The following ANK2 variants were observed in gnomAD, a reference collection of about 807,000 sequenced individuals.
ANK2 encodes the protein ankyrin-2.
Under a neutral mutation model 360.5 loss-of-function variants are expected in ANK2, and 83 were observed. That is an observed-to-expected ratio of 0.23 (90% CI 0.19 to 0.28). The LOEUF (loss-of-function observed/expected upper bound fraction) is 0.28, where lower values mean the gene tolerates loss of function less well. ANK2 is among the 10% of genes least tolerant of loss of function. The probability of loss-of-function intolerance (pLI) is 1.00; values close to 1 mark genes in which losing one functional copy is unlikely to be tolerated. For missense variants in ANK2, 4,201 were observed against 4,795.7 expected, an observed-to-expected ratio of 0.88 and a Z score of 3.66; for synonymous variants, 1,740 against 1,759.5, an observed-to-expected ratio of 0.99 and a Z score of 0.28.
intron 1 of ANK2, among the ~76,000 whole-genome samples, chr4:112,822,550 A>T (rs2057422542): frequency 6.6e-6 from 1 of 152,132 alleles, no homozygotes; most frequent in African/African-American, 2.4e-5. Flanking sequence ...GTTCGAGACC[A>T]GCTTGACCAA....
intron 1 of ANK2, among the ~76,000 whole-genome samples, chr4:113,173,806 A>C (rs2098087232): frequency 6.6e-6 from 1 of 152,160 alleles, no homozygotes; most frequent in Admixed American, 6.5e-5. Flanking sequence ...ATCCAGAATC[A>C]CTGGGATCAC....
intron 5 of ANK2, among the ~76,000 whole-genome samples, chr4:113,234,003 C>A (rs1049266197): frequency 2.0e-5 from 3 of 152,148 alleles, no homozygotes; most frequent in African/African-American, 7.2e-5. Flanking sequence ...AGAAATATAT[C>A]AAAATAAGGA....
At position 113,094,785 on chromosome 4, in the gene ANK2, C is replaced by T. The variant is rs1581389978; in HGVS notation, c.84+44973C>T. Among the ~76,000 whole-genome samples the T allele has an allele frequency of 3.3e-5, 5 of 152,244 alleles. No individual in the cohort carries two copies. The South Asian group carries it at 1.0e-3, about 32-fold the overall frequency. On this transcript the variant is annotated intron_variant, in intron 1 of 45. Coordinates refer to ENST00000357077, the MANE Select transcript of ANK2 (RefSeq NM_001148.6). ...GGAATGTCAGAACCAGATTTCATCA[C>T]CAGTAAAAATTTTACTTTATGTTGC... is the stretch of plus-strand genomic sequence containing the variant.
the ANK2 span, among the ~76,000 whole-genome samples, chr4:112,721,009 A>G: frequency 3.3e-5 from 5 of 152,116 alleles, no homozygotes; most frequent in Admixed American, 2.0e-4. Context: ...ACCAGCATCT[A>G]TTGGCTTCTT....
chr4:112,923,753 T>C (rs1243012517), intron 2 of ANK2, among the ~76,000 whole-genome samples: 1 of 152,166 alleles, frequency 6.6e-6, no homozygotes, highest in African/African-American at 2.4e-5. Context: ...ACTTTTACTA[T>C]GTTGTTAAGT....
the ANK2 span, among the ~76,000 whole-genome samples, chr4:112,758,030 A>C: frequency 6.6e-6 from 1 of 151,894 alleles, no homozygotes; most frequent in Non-Finnish European, 1.5e-5. Flanking sequence ...CAGCCTTCCC[A>C]GTAGATGGGA....
In ANK2 at chr4:113,112,455, T is replaced by C. The variant is rs574447953; in HGVS notation, c.85-61961T>C. Among the ~76,000 whole-genome samples, 260 of 152,280 alleles carry C rather than the reference T, an allele frequency of 1.7e-3. 3 individuals are homozygous for C. The highest frequency in any genetic ancestry group is 6.1e-3 in the African/African-American group (252 of 41,544). On this transcript the variant is annotated intron_variant, in intron 1 of 45. Transcript: ENST00000357077. ...ACAGAATGTGTATGGAAATGTCTTT[T>C]GCTTCTGAACTGTGGCTTTTTCAGT...
intron 1 of ANK2, among the ~76,000 whole-genome samples, chr4:112,819,380 C>T (rs941648330): frequency 3.9e-5 from 6 of 152,138 alleles, no homozygotes; most frequent in African/African-American, 1.2e-4. Flanking sequence ...GGAAGAGAAC[C>T]TAGTCTTTTC....
chr4:113,134,875 G>T (rs867532828), intron 1 of ANK2, among the ~76,000 whole-genome samples: 2 of 152,120 alleles, frequency 1.3e-5, no homozygotes, highest in African/African-American at 2.4e-5. Flanking sequence ...TATGAAGTCA[G>T]ATCAATTTTA....
intron 2 of ANK2, among the ~76,000 whole-genome samples, chr4:112,956,521 A>T (rs2095337300): frequency 6.6e-6 from 1 of 152,226 alleles, no homozygotes; most frequent in African/African-American, 2.4e-5. Context: ...AGTCGATCTG[A>T]TAATGGAGAA....
At chr4:113,239,610 A>T (rs1032185751) in intron 7 of ANK2, among the ~76,000 whole-genome samples, 1 of 152,160 alleles carries the variant, frequency 6.6e-6, no homozygotes, top group Admixed American at 6.5e-5. Flanking sequence ...ACATGCTTCT[A>T]TTGCAAAGAT....
chr4:112,722,110 C>T, the ANK2 span, among the ~76,000 whole-genome samples: 36 of 152,284 alleles, frequency 2.4e-4, no homozygotes, highest in East Asian at 3.1e-3. Flanking sequence ...AACAGCTGTC[C>T]GCATTTGCTA....
At chr4:113,359,485 T>C (rs1472647080) in intron 38 of ANK2, among the ~76,000 whole-genome samples, 186 bp downstream of exon 38, 1 of 152,152 alleles carries the variant, frequency 6.6e-6, no homozygotes, top group Non-Finnish European at 1.5e-5. Flanking sequence ...AAGAAAACAA[T>C]CTCAAGATTG....
intron 34 of ANK2, among the ~76,000 whole-genome samples, chr4:113,345,077 A>T (rs1454425053): frequency 2.6e-5 from 4 of 152,198 alleles, no homozygotes; most frequent in Non-Finnish European, 5.9e-5. Flanking sequence ...GATTAAAATG[A>T]TACGTTTTAT....
At chr4:113,187,074 T>G (rs2098544186) in intron 2 of ANK2, among the ~76,000 whole-genome samples, 2 of 151,060 alleles carry the variant, frequency 1.3e-5, no homozygotes, top group Non-Finnish European at 2.9e-5. Flanking sequence ...CCCCCTAAAC[T>G]GTCATTACTT....
At chr4:112,996,396 AAATTTTTATGCTTT>A (rs1355132538) in intron 2 of ANK2, among the ~76,000 whole-genome samples, 24 of 152,162 alleles carry the variant, frequency 1.6e-4, no homozygotes. Context: ...AAATATATGC[AAATTTTTATGCTTT>A]AATTATACTC....
chr4:112,749,005 T>C, the ANK2 span, among the ~76,000 whole-genome samples: 1 of 152,224 alleles, frequency 6.6e-6, no homozygotes, highest in African/African-American at 2.4e-5. Flanking sequence ...GTTCAAGCCA[T>C]TCTCGGGCCT....
intron 1 of ANK2, among the ~76,000 whole-genome samples, chr4:113,071,312 T>C (rs1364618078): frequency 6.6e-6 from 1 of 152,164 alleles, no homozygotes; most frequent in Non-Finnish European, 1.5e-5. Flanking sequence ...GTAGGCTAGA[T>C]AATAAACAGC....
intron 2 of ANK2, among the ~76,000 whole-genome samples, chr4:113,176,620 TA>T (rs1369141910): frequency 2.6e-5 from 4 of 151,634 alleles, no homozygotes; most frequent in Non-Finnish European, 4.4e-5. Context: ...TATTTATTTT[TA>T]TTTTATTTTA....
Sources: gnomAD v4.1 joint callset for allele counts (sites outside exome capture counted in the v4.1 genomes callset) on GRCh38, gnomAD v4.1.1 for gene constraint, MANE v1.5 for transcripts, NCBI Gene and HGNC (gene_info 2026-07-23, HGNC 2026-07-21) for gene names.